The following GMDS variants were observed in gnomAD, a reference collection of about 807,000 sequenced individuals.
GMDS encodes GDP-mannose 4,6 dehydratase.
In GMDS, 20 loss-of-function variants were observed where a neutral mutation model predicts 49.9. The ratio of observed to expected loss-of-function variants is 0.40; its 90% CI spans 0.28 to 0.58. The LOEUF is 0.58. Among genes scored for constraint, GMDS ranks in the 20% least tolerant of loss-of-function variants. The pLI, the probability that GMDS is intolerant of heterozygous loss-of-function variation, is 0.42. For synonymous variants in GMDS, 177 were observed against 178.6 expected, an observed-to-expected ratio of 0.99 and a Z score of 0.07; for missense variants, 362 against 481.4, an observed-to-expected ratio of 0.75 and a Z score of 2.32.
At chr6:2,208,314 G>A (rs990284572) in intron 1 of GMDS, among the ~76,000 whole-genome samples, 1 of 152,226 alleles carries the variant, frequency 6.6e-6, no homozygotes, top group Non-Finnish European at 1.5e-5. Context: ...TCTGTTACCA[G>A]CTGCATCACA....
At chr6:1,904,632 G>C (rs747526924) in intron 7 of GMDS, among the ~76,000 whole-genome samples, 2 of 152,202 alleles carry the variant, frequency 1.3e-5, no homozygotes, top group African/African-American at 4.8e-5. Flanking sequence ...TTGAGCGTGG[G>C]TTGTCAGAAC....
intron 1 of GMDS, among the ~76,000 whole-genome samples, chr6:2,217,224 C>T (rs944575105): frequency 1.2e-4 from 19 of 152,106 alleles, no homozygotes; most frequent in South Asian, 4.1e-4. Context: ...GCACCCCCTC[C>T]CACCTGACCC....
intron 4 of GMDS, among the ~76,000 whole-genome samples, chr6:1,988,220 G>A (rs1765684071): frequency 6.6e-6 from 1 of 152,100 alleles, no homozygotes; most frequent in African/African-American, 2.4e-5. Context: ...GAATCAGGTT[G>A]CCTCTAAGAG....
chr6:1,895,111 G>A (rs1340322043), intron 7 of GMDS, among the ~76,000 whole-genome samples: 1 of 152,210 alleles, frequency 6.6e-6, no homozygotes, highest in African/African-American at 2.4e-5. Flanking sequence ...TGTTGTGGCA[G>A]GAGTTGGCAC....
chr6:2,069,353 A>G (rs1470645323), intron 4 of GMDS, among the ~76,000 whole-genome samples: 3 of 152,348 alleles, frequency 2.0e-5, no homozygotes, highest in African/African-American at 7.2e-5. Flanking sequence ...GGACATAGGC[A>G]TGGGCAAGGA....
chr6:1,988,402 C>G (rs1271617166), intron 4 of GMDS, among the ~76,000 whole-genome samples: 4 of 152,074 alleles, frequency 2.6e-5, no homozygotes, highest in African/African-American at 4.8e-5. Context: ...CAACTGTACC[C>G]CTTCTCCAGC....
At chr6:1,865,756 G>A (rs367738812) in intron 7 of GMDS, among the ~76,000 whole-genome samples, 1 of 152,140 alleles carries the variant, frequency 6.6e-6, no homozygotes, top group South Asian at 2.1e-4. Context: ...GTCTGCAGAG[G>A]CTTGGGCTCC....
At chr6:2,133,012 T>C (rs923839996) in intron 1 of GMDS, among the ~76,000 whole-genome samples, 1 of 152,184 alleles carries the variant, frequency 6.6e-6, no homozygotes, top group African/African-American at 2.4e-5. Flanking sequence ...AGAGTTCCTC[T>C]CTCCTCCCTT....
chr6:2,164,904 C>G (rs1456619682), intron 1 of GMDS, among the ~76,000 whole-genome samples: 1 of 152,194 alleles, frequency 6.6e-6, no homozygotes, highest in South Asian at 2.1e-4. Flanking sequence ...CCAATCTCAC[C>G]GTATTTGTTA....
intron 7 of GMDS, among the ~76,000 whole-genome samples, chr6:1,756,591 T>A (rs1014687922): frequency 6.6e-6 from 1 of 152,116 alleles, no homozygotes; most frequent in Admixed American, 6.5e-5. Flanking sequence ...CTTTTGATTG[T>A]TTGTGATTCA....
At chr6:1,726,608 G>A in intron 8 of GMDS, 96 bp from the exon 9 acceptor site, 8 of 849,642 alleles carry the variant, frequency 9.4e-6, no homozygotes, top group Non-Finnish European at 1.6e-5. Context: ...CTCCCCGCAG[G>A]AGCGCTTAAG....
chr6:2,051,404 A>G (rs1046533438), intron 4 of GMDS, among the ~76,000 whole-genome samples: 7 of 152,220 alleles, frequency 4.6e-5, no homozygotes, highest in African/African-American at 1.7e-4. Context: ...TGGTAAAAGC[A>G]CCATATAATT....
chr6:1,817,936 A>G (rs907258206), intron 7 of GMDS, among the ~76,000 whole-genome samples: 3 of 152,174 alleles, frequency 2.0e-5, no homozygotes, highest in Non-Finnish European at 4.4e-5. Context: ...CAAAGGAAAG[A>G]AAAATTGTAA....
chr6:1,830,429 T>C (rs1326469567), intron 7 of GMDS, among the ~76,000 whole-genome samples: 1 of 152,214 alleles, frequency 6.6e-6, no homozygotes, highest in Non-Finnish European at 1.5e-5. Flanking sequence ...ACCACTGTTC[T>C]AGACTCTAAA....
intron 6 of GMDS, among the ~76,000 whole-genome samples, chr6:1,944,341 C>A (rs758231128): frequency 2.6e-5 from 4 of 152,184 alleles, no homozygotes; most frequent in Non-Finnish European, 5.9e-5. Context: ...CCCGTCTCTA[C>A]TAAAAATACA....
chr6:1,883,484 TAAAC>T (rs1269475327), intron 7 of GMDS, among the ~76,000 whole-genome samples: 1 of 152,162 alleles, frequency 6.6e-6, no homozygotes, highest in South Asian at 2.1e-4. Context: ...TTTTAAAAAT[TAAAC>T]AAATTAAATA....
intron 1 of GMDS, among the ~76,000 whole-genome samples, chr6:2,147,255 G>A (rs1376877430): frequency 1.3e-5 from 2 of 152,152 alleles, no homozygotes; most frequent in Admixed American, 6.5e-5. Context: ...ATGCAAGAGC[G>A]ATGGTCTGAA....
chr6:1,887,948 T>C (rs948664387), intron 7 of GMDS, among the ~76,000 whole-genome samples: 1 of 151,812 alleles, frequency 6.6e-6, no homozygotes, highest in African/African-American at 2.4e-5. Flanking sequence ...TTTAGGTTTT[T>C]TTGTTTTGTT....
intron 9 of GMDS, among the ~76,000 whole-genome samples, chr6:1,682,118 G>A (rs1325239897): frequency 6.6e-6 from 1 of 152,030 alleles, no homozygotes; most frequent in Non-Finnish European, 1.5e-5. Flanking sequence ...TTTATGAAAT[G>A]CCTTTTCCTC....
Sources: allele counts gnomAD v4.1 joint callset (sites outside exome capture counted in the v4.1 genomes callset), GRCh38; gene constraint gnomAD v4.1.1; transcripts MANE v1.5; gene names NCBI Gene and HGNC (gene_info 2026-07-23, HGNC 2026-07-21).